Variants in SAMMSON observed in about 807,000 individuals in gnomAD.
SAMMSON encodes the protein long intergenic non-protein coding RNA 1212.
At chr3:70,423,062 T>TA (rs1701325100) in intron 2 of SAMMSON, among the ~76,000 whole-genome samples, 1 of 151,928 alleles carries the variant, frequency 6.6e-6, no homozygotes, top group African/African-American at 2.4e-5. Flanking sequence ...AAAAACAAGT[T>TA]ACCAAAATTA....
intron 4 of SAMMSON, among the ~76,000 whole-genome samples, chr3:70,127,421 C>T (rs1229286252): frequency 6.6e-6 from 1 of 152,132 alleles, no homozygotes; most frequent in African/African-American, 2.4e-5. Flanking sequence ...GGATGGCAGA[C>T]AAGAGGCCAT....
intron 9 of SAMMSON, among the ~76,000 whole-genome samples, chr3:70,369,993 C>T (rs1319074613): frequency 6.6e-6 from 1 of 151,810 alleles, no homozygotes; most frequent in Non-Finnish European, 1.5e-5. Flanking sequence ...TTTCCAGTCT[C>T]GAGAATCTAT....
intron 9 of SAMMSON, among the ~76,000 whole-genome samples, chr3:70,378,719 T>C (rs1283209933): frequency 6.6e-6 from 1 of 152,106 alleles, no homozygotes; most frequent in African/African-American, 2.4e-5. Flanking sequence ...TGGCCATCTC[T>C]TTTGTAAGAA....
At chr3:70,245,073 T>C (rs1321792784) in intron 4 of SAMMSON, among the ~76,000 whole-genome samples, 1 of 152,174 alleles carries the variant, frequency 6.6e-6, no homozygotes, top group Non-Finnish European at 1.5e-5. Context: ...GATTTCATTT[T>C]GAAGAGGAGA....
intron 4 of SAMMSON, chr3:70,196,903 C>T (rs956070112): frequency 2.5e-5 from 10 of 398,350 alleles, no homozygotes; most frequent in East Asian, 1.1e-4. Context: ...AAAGGACTGC[C>T]GGAATGTGGT....
intron 4 of SAMMSON, among the ~76,000 whole-genome samples, chr3:70,095,541 C>A (rs2067320167): frequency 6.6e-6 from 1 of 152,098 alleles, no homozygotes; most frequent in Admixed American, 6.6e-5. Flanking sequence ...TTATATATTT[C>A]ACATTTGTTA....
At chr3:70,051,505 TA>T (rs2067146108) in intron 3 of SAMMSON, among the ~76,000 whole-genome samples, 1 of 149,726 alleles carries the variant, frequency 6.7e-6, no homozygotes, top group Non-Finnish European at 1.5e-5. Context: ...GATTGATAAA[TA>T]AATTATAAAC....
chr3:70,083,595 G>A (rs1414220290), intron 4 of SAMMSON, among the ~76,000 whole-genome samples: 2 of 152,170 alleles, frequency 1.3e-5, no homozygotes, highest in Non-Finnish European at 2.9e-5. Context: ...TCTGGGCGTT[G>A]AGGGCATCAA....
intron 2 of SAMMSON, chr3:70,012,737 A>G (rs1333229305): frequency 6.6e-6 from 1 of 152,186 alleles, no homozygotes. Flanking sequence ...AAATCAGAAG[A>G]CATGAATTGG....
intron 3 of SAMMSON, among the ~76,000 whole-genome samples, chr3:70,060,241 G>A (rs2067182704): frequency 2.0e-5 from 3 of 152,068 alleles, no homozygotes; most frequent in South Asian, 2.1e-4. Flanking sequence ...GACAAGGACA[G>A]AATACATTCC....
chr3:70,010,285 T>C (rs2066948256), intron 1 of SAMMSON, among the ~76,000 whole-genome samples: 1 of 152,124 alleles, frequency 6.6e-6, no homozygotes, highest in Non-Finnish European at 1.5e-5. Context: ...AGTCTCTTTC[T>C]AGATCTCTAA....
chr3:70,154,517 G>A (rs928700747), intron 4 of SAMMSON, among the ~76,000 whole-genome samples: 1 of 152,028 alleles, frequency 6.6e-6, no homozygotes, highest in Non-Finnish European at 1.5e-5. Context: ...TTGATCTGGG[G>A]TTGGGTCTGA....
At chr3:70,264,067 A>G (rs1701892510) in intron 6 of SAMMSON, among the ~76,000 whole-genome samples, 1 of 152,224 alleles carries the variant, frequency 6.6e-6, no homozygotes, top group South Asian at 2.1e-4. Flanking sequence ...TCTTGTGTCT[A>G]GCACAATCAC....
chr3:70,400,397 C>A (rs930032442), intron 2 of SAMMSON, among the ~76,000 whole-genome samples: 55 of 152,082 alleles, frequency 3.6e-4, no homozygotes, highest in African/African-American at 1.2e-3. Flanking sequence ...TTAAAAAGAT[C>A]TGGTTTCGTT....
At chr3:70,052,903 A>C (rs2067151717) in intron 3 of SAMMSON, among the ~76,000 whole-genome samples, 1 of 152,158 alleles carries the variant, frequency 6.6e-6, no homozygotes, top group Admixed American at 6.6e-5. Context: ...CAGGGTGGCA[A>C]GAACGTGAAT....
chr3:70,273,600 T>C (rs2106674074), intron 6 of SAMMSON, among the ~76,000 whole-genome samples: 1 of 152,036 alleles, frequency 6.6e-6, no homozygotes, highest in South Asian at 2.1e-4. Flanking sequence ...GCAGGTCTTG[T>C]GTTTGGTTTA....
At chr3:70,126,279 G>A in intron 4 of SAMMSON, 1 of 1,041,756 alleles carries the variant, frequency 9.6e-7, no homozygotes, top group Non-Finnish European at 1.4e-6. Flanking sequence ...TTCAGAGACT[G>A]GAGTGGGACA....
At chr3:70,267,108 G>T (rs1462607666) in intron 6 of SAMMSON, among the ~76,000 whole-genome samples, 1 of 152,128 alleles carries the variant, frequency 6.6e-6, no homozygotes, top group African/African-American at 2.4e-5. Context: ...GCTGGGGAGG[G>T]GGTGGGAAGG....
chr3:70,403,119 G>T (rs1259624634), intron 2 of SAMMSON, among the ~76,000 whole-genome samples: 6 of 152,114 alleles, frequency 3.9e-5, no homozygotes, highest in Admixed American at 3.9e-4. Flanking sequence ...AGACTGTGTG[G>T]ATAACATTAT....
Sources: allele counts gnomAD v4.1 joint callset (sites outside exome capture counted in the v4.1 genomes callset), GRCh38; gene constraint gnomAD v4.1.1; transcripts MANE v1.5; gene names NCBI Gene and HGNC (gene_info 2026-07-23, HGNC 2026-07-21).